CDH12: variants seen among roughly 807,000 people sequenced by gnomAD.
The protein encoded by CDH12 is cadherin 12.
A neutral mutation model predicts 74.1 loss-of-function variants in CDH12; 41 were observed. That is an observed-to-expected ratio of 0.55 (90% CI 0.43 to 0.72). The LOEUF (loss-of-function observed/expected upper bound fraction) is 0.72, where lower values mean the gene tolerates loss of function less well. CDH12 is among the 30% of genes least tolerant of loss of function. The pLI, the probability that CDH12 is intolerant of heterozygous loss-of-function variation, is 0.00. For missense variants in CDH12, 945 were observed against 977.2 expected (o/e 0.97, Z 0.44); for synonymous variants, 399 against 355.0 (o/e 1.12, Z -1.39).
intron 3 of CDH12, among the ~76,000 whole-genome samples, chr5:22,398,474 T>G (rs1017765930): frequency 6.6e-6 from 1 of 152,112 alleles, no homozygotes; most frequent in Non-Finnish European, 1.5e-5. Context: ...TCTCCAGTCT[T>G]TAAGACGGAG....
intron 12 of CDH12, among the ~76,000 whole-genome samples, chr5:21,763,046 C>G (rs977796265): frequency 6.6e-6 from 1 of 152,112 alleles, no homozygotes; most frequent in African/African-American, 2.4e-5. Flanking sequence ...AAGAAAGCTG[C>G]AGGCTCATCC....
intron 1 of CDH12, among the ~76,000 whole-genome samples, chr5:22,549,876 C>T (rs1443380305): frequency 6.6e-6 from 1 of 152,158 alleles, no homozygotes; most frequent in African/African-American, 2.4e-5. Flanking sequence ...CATATGTGAG[C>T]TCCTCATACA....
At chr5:22,077,911 C>T (rs947008529) in intron 5 of CDH12, among the ~76,000 whole-genome samples, 1 of 151,988 alleles carries the variant, frequency 6.6e-6, no homozygotes, top group Non-Finnish European at 1.5e-5. Flanking sequence ...ATTTATAAAG[C>T]TTAAGCAAGC....
chr5:22,356,366 C>T (rs1740563126), intron 3 of CDH12, among the ~76,000 whole-genome samples: 1 of 152,088 alleles, frequency 6.6e-6, no homozygotes, highest in South Asian at 2.1e-4. Flanking sequence ...AATTCAAAGC[C>T]AACCATGTTG....
At chr5:22,396,133 C>G (rs567073365) in intron 3 of CDH12, among the ~76,000 whole-genome samples, 1 of 152,078 alleles carries the variant, frequency 6.6e-6, no homozygotes, top group Non-Finnish European at 1.5e-5. Context: ...TTTAAAAATT[C>G]TTTTGAAATA....
In CDH12 at chr5:21,751,622, G is replaced by GTGTGTT. The variant is rs1561149632; in HGVS notation, c.*114_*115insAACACA. On this transcript the variant is annotated 3_prime_UTR_variant, in exon 15 of 15. Coordinates refer to ENST00000382254, the MANE Select transcript of CDH12 (RefSeq NM_004061.5). ...ATCTTGTCCCAGAGTGTGTGTGTGT[G>GTGTGTT]TGTGTGTGTTTGTGTGTGTGTGTGT... is the stretch of plus-strand genomic sequence containing the variant. 3.4e-4 allele frequency: 197 copies of GTGTGTT among 580,216 alleles called. No homozygotes were observed. The highest frequency in any genetic ancestry group is 5.8e-4 in the Admixed American group (18 of 31,014). The allele number at this position is 580,216 out of a possible 1,614,324, so 35.9% of individuals were successfully genotyped here. A position where few individuals can be genotyped will look rare whatever the true frequency, so the allele number is the denominator to read the frequency against.
intron 6 of CDH12, among the ~76,000 whole-genome samples, chr5:21,880,643 C>G (rs1470088293): frequency 1.7e-5 from 2 of 114,420 alleles, no homozygotes; most frequent in African/African-American, 6.6e-5. Flanking sequence ...TTCTTTCTTT[C>G]TTTCTTTCTT....
Position 22,212,510 on chromosome 5 carries a change from T to G in CDH12, c.-199A>C. 6.1e-6 allele frequency: 6 copies of G among 983,974 alleles called. No individual in the cohort carries two copies. The highest frequency in any genetic ancestry group is 7.2e-6 in the Non-Finnish European group (6 of 828,314). 61.0% of individuals were successfully genotyped at this position (983,974 alleles called of 1,614,324 possible). On this transcript the variant is annotated 5_prime_UTR_variant, in exon 4 of 15. Coordinates refer to ENST00000382254, the MANE Select transcript of CDH12 (RefSeq NM_004061.5). ...AAGCAGCACTTACCTTAATTGAAAT[T>G]TTCTCTGTGAACGAGGTGAGAAATC... is the stretch of plus-strand genomic sequence containing the variant.
Position 22,611,872 on chromosome 5 carries a change from G to A in CDH12, c.-522-106508C>T, listed in dbSNP as rs1278176959. 3.9e-5 allele frequency among the ~76,000 whole-genome samples: 6 copies of A among 152,008 alleles called. No individual in the cohort carries two copies. The East Asian group carries it at 9.7e-4, about 25-fold the overall frequency. On this transcript the variant is annotated intron_variant, in intron 1 of 14. Coordinates refer to ENST00000382254, the MANE Select transcript of CDH12 (RefSeq NM_004061.5). ...GGATCTGGAGGGGCAAATGGAAGATGAGCCTTTGTTTGGATTCTCATCATC... is the reference window on the plus strand; with the variant it reads ...GGATCTGGAGGGGCAAATGGAAGATAAGCCTTTGTTTGGATTCTCATCATC...
chr5:22,076,839 A>G (rs772964288), intron 5 of CDH12, among the ~76,000 whole-genome samples: 48 of 152,074 alleles, frequency 3.2e-4, no homozygotes, highest in Non-Finnish European at 5.4e-4. Context: ...TGAGAAGGTC[A>G]TTCTGGTCTA....
chr5:22,148,691 T>C (rs1747369583), intron 4 of CDH12, among the ~76,000 whole-genome samples: 1 of 152,228 alleles, frequency 6.6e-6, no homozygotes, highest in Non-Finnish European at 1.5e-5. Context: ...GTGGTTCTTG[T>C]CACTCCGTGG....
intron 1 of CDH12, among the ~76,000 whole-genome samples, chr5:22,703,499 T>C (rs1742826489): frequency 6.6e-6 from 1 of 152,106 alleles, no homozygotes; most frequent in African/African-American, 2.4e-5. Context: ...GCTTAGCACC[T>C]TTTTCCCCCA....
intron 4 of CDH12, among the ~76,000 whole-genome samples, chr5:22,111,895 G>C (rs192453967): frequency 6.6e-6 from 1 of 151,884 alleles, no homozygotes; most frequent in East Asian, 1.9e-4. Context: ...ATGACTTTTC[G>C]TGTCTATATT....
At chr5:21,886,415 CTT>C (rs1393721582) in intron 6 of CDH12, among the ~76,000 whole-genome samples, 4 of 150,044 alleles carry the variant, frequency 2.7e-5, no homozygotes, top group Non-Finnish European at 5.9e-5. Context: ...CTCAGATTCT[CTT>C]TGTTTGTGTT....
chr5:22,039,146 C>G (rs1259821861), intron 5 of CDH12, among the ~76,000 whole-genome samples: 2 of 152,074 alleles, frequency 1.3e-5, no homozygotes, highest in Non-Finnish European at 2.9e-5. Flanking sequence ...GGGTCTACTA[C>G]ATGGGAGCCT....
chr5:22,080,316 A>T (rs193005569), intron 4 of CDH12, among the ~76,000 whole-genome samples: 1 of 152,304 alleles, frequency 6.6e-6, no homozygotes, highest in East Asian at 1.9e-4. Flanking sequence ...TTAAACATTA[A>T]ATGTGGAAAT....
intron 3 of CDH12, among the ~76,000 whole-genome samples, chr5:22,346,042 G>A (rs1003584559): frequency 6.7e-6 from 1 of 149,106 alleles, no homozygotes; most frequent in Non-Finnish European, 1.5e-5. Context: ...GGAGGGAGAG[G>A]TTGCAGTGAG....
intron 4 of CDH12, among the ~76,000 whole-genome samples, chr5:22,150,832 A>G (rs1747527084): frequency 6.6e-6 from 1 of 152,190 alleles, no homozygotes; most frequent in African/African-American, 2.4e-5. Flanking sequence ...CAAATCAGAA[A>G]AACAGACCAG....
At chr5:21,785,947 G>C (rs1443223845) in intron 10 of CDH12, among the ~76,000 whole-genome samples, 1 of 152,168 alleles carries the variant, frequency 6.6e-6, no homozygotes, top group Non-Finnish European at 1.5e-5. Context: ...CTAGAGAGAA[G>C]TCAATGCCTG....
Sources: gnomAD v4.1 joint callset for allele counts (sites outside exome capture counted in the v4.1 genomes callset) on GRCh38, gnomAD v4.1.1 for gene constraint, MANE v1.5 for transcripts, NCBI Gene and HGNC (gene_info 2026-07-23, HGNC 2026-07-21) for gene names.